ACYP2: variants seen among roughly 807,000 people sequenced by gnomAD.
ACYP2 encodes the protein acylphosphatase 2.
A neutral mutation model predicts 11.2 loss-of-function variants in ACYP2; 12 were observed. The ratio of observed to expected loss-of-function variants is 1.08; its 90% CI spans 0.69 to 1.74. The LOEUF is 1.74. Among genes scored for constraint, ACYP2 ranks in the 40% most tolerant of loss-of-function variants. The pLI is 0.00. For synonymous variants in ACYP2, 43 were observed against 32.2 expected (o/e 1.33, Z -1.13); for missense variants, 134 against 101.9 (o/e 1.31, Z -1.35).
intron 6 of ACYP2, among the ~76,000 whole-genome samples, chr2:54,175,477 A>G (rs1683419307): frequency 6.6e-6 from 1 of 151,900 alleles, no homozygotes; most frequent in Admixed American, 6.6e-5. Flanking sequence ...TTTTCAAAAA[A>G]CAAGCTCCTG....
rs999096447 is a variant in ACYP2, at chr2:54,172,266, A to G, written c.404+33518A>G. Reference sequence around the variant, plus strand: ...TTCTAACCATGGTCATTAAAAAAATATGTATATAAATATACACATGTATAT... The same window carrying G: ...TTCTAACCATGGTCATTAAAAAAATGTGTATATAAATATACACATGTATAT... On this transcript the variant is annotated intron_variant, in intron 6 of 6. Coordinates refer to ENST00000607452, the MANE Select transcript of ACYP2 (RefSeq NM_001320586.2). Among the ~76,000 whole-genome samples, 18 of 152,314 alleles carry G rather than the reference A, an allele frequency of 1.2e-4. 6 individuals are homozygous for G. The highest frequency in any genetic ancestry group is 1.0e-3 in the Admixed American group (16 of 15,292).
intron 6 of ACYP2, among the ~76,000 whole-genome samples, chr2:54,288,728 C>A (rs1448229219): frequency 6.6e-6 from 1 of 152,008 alleles, no homozygotes; most frequent in African/African-American, 2.4e-5. Context: ...TGTAACGGTG[C>A]CTTGTAGGAT....
At chr2:54,180,628 C>A (rs79570591) in intron 6 of ACYP2, among the ~76,000 whole-genome samples, 1 of 152,130 alleles carries the variant, frequency 6.6e-6, no homozygotes, top group African/African-American at 2.4e-5. Flanking sequence ...GATCATGGCT[C>A]ACTGCAGTTT....
At chr2:54,146,482 C>T (rs1178860351) in intron 6 of ACYP2, among the ~76,000 whole-genome samples, 2 of 151,448 alleles carry the variant, frequency 1.3e-5, no homozygotes, top group African/African-American at 4.8e-5. Context: ...ACCCTGTTGG[C>T]CAGTCTGGTC....
chr2:54,035,009 C>CAAAAAAAAAAAAAAAAAAAAAAAAAAAA lies in ACYP2; in HGVS notation c.63-15926_63-15925insAAAAAAAAAAAAAAAAAAAAAAAAAAAA, dbSNP rs550142135. On this transcript the variant is annotated intron_variant, in intron 2 of 6. Coordinates refer to ENST00000607452, the MANE Select transcript of ACYP2 (RefSeq NM_001320586.2). Reference sequence around the variant, plus strand: ...CAGGCGACAGTGCGAGACTACATCTCAAAAAAAAAAAAAAAAAAAAAAAGC... The same window carrying CAAAAAAAAAAAAAAAAAAAAAAAAAAAA: ...CAGGCGACAGTGCGAGACTACATCTCAAAAAAAAAAAAAAAAAAAAAAAAAAAAAAAAAAAAAAAAAAAAAAAAAAAGC... Among the ~76,000 whole-genome samples, 31 of 44,780 alleles carry CAAAAAAAAAAAAAAAAAAAAAAAAAAAA rather than the reference C, an allele frequency of 6.9e-4. 3 individuals carry two copies. The highest frequency in any genetic ancestry group is 3.8e-3 in the East Asian group (6 of 1,574). The allele number at this position is 44,780 out of a possible 152,430, so 29.4% of individuals were successfully genotyped here. A position where few individuals can be genotyped will look rare whatever the true frequency, so the allele number is the denominator to read the frequency against.
At chr2:54,030,655 C>A in intron 2 of ACYP2, 1 of 190,278 alleles carries the variant, frequency 5.3e-6, no homozygotes, top group South Asian at 1.0e-4. Context: ...TACCCAGCGC[C>A]TCTCCTCTCT....
chr2:54,201,642 C>CTTTCTTTCTTTCTTTCTT (rs1684813851), intron 6 of ACYP2, among the ~76,000 whole-genome samples: 1 of 78,250 alleles, frequency 1.3e-5, no homozygotes, highest in South Asian at 5.1e-4. Context: ...CTTTCTCTTT[C>CTTTCTTTCTTTCTTTCTT]TTTCTTTCTT....
chr2:54,064,140 C>T (rs1327505360), intron 4 of ACYP2, among the ~76,000 whole-genome samples: 1 of 152,202 alleles, frequency 6.6e-6, no homozygotes, highest in Non-Finnish European at 1.5e-5. Context: ...TGAGCCACCA[C>T]ACCAGGCCTC....
chr2:54,108,525 A>G (rs1466694572), intron 4 of ACYP2, among the ~76,000 whole-genome samples: 2 of 152,194 alleles, frequency 1.3e-5, no homozygotes, highest in African/African-American at 4.8e-5. Context: ...TTGCTTCCAT[A>G]GGAAAAGCAA....
chr2:54,197,945 T>C (rs550777515), intron 6 of ACYP2, among the ~76,000 whole-genome samples: 51 of 15,546 alleles, frequency 3.3e-3, no homozygotes, highest in Non-Finnish European at 4.5e-3. Flanking sequence ...ATGTATTATA[T>C]TGTATTGTAT....
intron 2 of ACYP2, among the ~76,000 whole-genome samples, chr2:54,045,791 G>A (rs934364618): frequency 6.6e-6 from 1 of 151,772 alleles, no homozygotes; most frequent in African/African-American, 2.4e-5. Flanking sequence ...ACTCCAGCCT[G>A]GGTGACAGAG....
intron 2 of ACYP2, among the ~76,000 whole-genome samples, chr2:54,042,186 A>G (rs767769753): frequency 6.6e-6 from 1 of 152,054 alleles, no homozygotes; most frequent in African/African-American, 2.4e-5. Context: ...TTGTATTTTT[A>G]GTAGACACAG....
At chr2:54,144,142 A>C (rs1453153341) in intron 6 of ACYP2, among the ~76,000 whole-genome samples, 1 of 151,866 alleles carries the variant, frequency 6.6e-6, no homozygotes, top group Admixed American at 6.6e-5. Flanking sequence ...ACTAATTTTT[A>C]AAAATTTTTT....
chr2:54,066,436 T>C (rs576753515), intron 4 of ACYP2, among the ~76,000 whole-genome samples: 1 of 152,300 alleles, frequency 6.6e-6, no homozygotes, highest in South Asian at 2.1e-4. Flanking sequence ...TTTATAGCAG[T>C]GTGAAAACAA....
intron 6 of ACYP2, among the ~76,000 whole-genome samples, chr2:54,265,727 A>T (rs1687986660): frequency 6.6e-6 from 1 of 152,232 alleles, no homozygotes; most frequent in Non-Finnish European, 1.5e-5. Flanking sequence ...CCAAATCTCA[A>T]ACTGCACTTA....
In ACYP2 at chr2:54,255,711, G is replaced by A. The variant is rs773490596; in HGVS notation, c.405-48977G>A. The A allele has an allele frequency of 1.5e-5, 25 of 1,613,810 alleles. No homozygotes were observed. In the Admixed American group the frequency reaches 3.8e-4, roughly 25 times the overall value. On this transcript the variant is annotated intron_variant, in intron 6 of 6. Transcript: ENST00000607452. ...CACACTCCTCAGGCTTCACGTCCTC[G>A]GCCTTCCCCTCTGCAATCACTTCAG...
At position 54,007,410 on chromosome 2, in the gene ACYP2, T is replaced by C. The variant is rs183262548; in HGVS notation, c.62+33600T>C. Among the ~76,000 whole-genome samples the C allele has an allele frequency of 2.2e-3, 327 of 151,964 alleles. 1 individual carries two copies. The highest frequency in any genetic ancestry group is 3.7e-3 in the Admixed American group (57 of 15,280). ...CTGGGACTACAGGCATGTGCCACCATGCCTGGCTAATTTTTTGTATTTTTA... is the reference window on the plus strand; with the variant it reads ...CTGGGACTACAGGCATGTGCCACCACGCCTGGCTAATTTTTTGTATTTTTA... On this transcript the variant is annotated intron_variant, in intron 2 of 6. Transcript: ENST00000607452.
chr2:54,233,304 AC>A (rs1278136565), intron 6 of ACYP2, among the ~76,000 whole-genome samples: 1 of 136,520 alleles, frequency 7.3e-6, no homozygotes, highest in African/African-American at 2.9e-5. Flanking sequence ...TCCCTTCCAA[AC>A]TTTTTTTTTT....
intron 4 of ACYP2, among the ~76,000 whole-genome samples, chr2:54,126,686 G>A (rs191399047): frequency 5.5e-4 from 83 of 150,586 alleles, no homozygotes; most frequent in Non-Finnish European, 7.8e-4. Flanking sequence ...AGTGGCTCAC[G>A]CCTGTAATCC....
Sources: allele counts gnomAD v4.1 joint callset (sites outside exome capture counted in the v4.1 genomes callset), GRCh38; gene constraint gnomAD v4.1.1; transcripts MANE v1.5; gene names NCBI Gene and HGNC (gene_info 2026-07-23, HGNC 2026-07-21).